The following FBN1 variants were observed in gnomAD, a reference collection of about 807,000 sequenced individuals.
FBN1 encodes the protein fibrillin-1.
FBN1 carries 29 observed loss-of-function variants against 365.1 expected under a neutral mutation model. The observed-to-expected ratio is 0.08, with a 90% CI of 0.06 to 0.11. The LOEUF (loss-of-function observed/expected upper bound fraction) is 0.11, where lower values mean the gene tolerates loss of function less well. FBN1 is among the 10% of genes least tolerant of loss of function. The pLI, the probability that FBN1 is intolerant of heterozygous loss-of-function variation, is 1.00. For synonymous variants in FBN1, 1,210 were observed against 1,270.5 expected, an observed-to-expected ratio of 0.95 and a Z score of 1.01; for missense variants, 2,476 against 3,703.2, an observed-to-expected ratio of 0.67 and a Z score of 8.60.
chr15:48,469,645 C>T (rs758269385), intron 36 of FBN1, among the ~76,000 whole-genome samples: 1 of 152,032 alleles, frequency 6.6e-6, no homozygotes, highest in Non-Finnish European at 1.5e-5. Context: ...GCGGGTTGCG[C>T]TGCAGATGAT....
chr15:48,500,370 T>C (rs2043644114), intron 17 of FBN1, among the ~76,000 whole-genome samples: 1 of 152,206 alleles, frequency 6.6e-6, no homozygotes, highest in African/African-American at 2.4e-5. Context: ...GACCATTTTT[T>C]GTAGTGAGTT....
chr15:48,546,717 T>C (rs2044096187), intron 6 of FBN1, among the ~76,000 whole-genome samples: 1 of 152,046 alleles, frequency 6.6e-6, no homozygotes, highest in South Asian at 2.1e-4. Context: ...GGAGTTGAAA[T>C]GGAAAGGGTT....
chr15:48,530,189 C>T (rs971524368), intron 8 of FBN1, among the ~76,000 whole-genome samples: 1 of 139,094 alleles, frequency 7.2e-6, no homozygotes, highest in African/African-American at 2.6e-5. Flanking sequence ...CGCCTCATCA[C>T]AACTTGAAAA....
intron 6 of FBN1, among the ~76,000 whole-genome samples, chr15:48,567,853 G>A (rs956414293): frequency 1.9e-4 from 29 of 151,892 alleles, no homozygotes; most frequent in African/African-American, 6.8e-4. Flanking sequence ...CAGCTAACAT[G>A]ATACATAATG....
chr15:48,429,890 A>T (rs550383840), intron 56 of FBN1, among the ~76,000 whole-genome samples: 1 of 152,334 alleles, frequency 6.6e-6, no homozygotes, highest in East Asian at 1.9e-4. Flanking sequence ...GCGTGTGAGA[A>T]GGTTTTAATA....
chr15:48,450,857 C>T (rs893990745), intron 45 of FBN1, among the ~76,000 whole-genome samples: 34 of 149,370 alleles, frequency 2.3e-4, no homozygotes, highest in African/African-American at 8.5e-4. Context: ...TACTTTGCAG[C>T]ATGCCTGAAA....
rs754992689 is a variant in FBN1 at position 48,421,992 on chromosome 15, T to C, written c.7530A>G (p.Lys2510=). Residue 2510 remains lysine (K), a synonymous_variant, in exon 61 of 66, where the codon AAA becomes AAG. Transcript: ENST00000316623. The part of the protein sequence containing the change: ...CVNTIGGFTC[K]CPPGFTQHHT... ...GGTGTTGGGTAAATCCGGGAGGACA[T>C]TTGCATGTGAAGCCGCCAATGGTGT... 5.6e-6 allele frequency: 9 copies of C among 1,614,124 alleles called. No individual in the cohort carries two copies. Among genetic ancestry groups the C allele is most frequent in the Non-Finnish European group, 6.8e-6 (8 of 1,179,974 alleles).
intron 6 of FBN1, among the ~76,000 whole-genome samples, chr15:48,563,700 A>G (rs1485775063): frequency 6.6e-6 from 1 of 151,850 alleles, no homozygotes; most frequent in African/African-American, 2.4e-5. Context: ...GTTATTTGAC[A>G]CTCTCTACTC....
intron 6 of FBN1, among the ~76,000 whole-genome samples, chr15:48,558,057 GC>G (rs2044195478): frequency 6.6e-6 from 1 of 152,052 alleles, no homozygotes; most frequent in South Asian, 2.1e-4. Context: ...ATAATAATCA[GC>G]ACTCCAAGTC....
At chr15:48,490,415 C>G (rs1399694225) in intron 24 of FBN1, among the ~76,000 whole-genome samples, 1 of 152,132 alleles carries the variant, frequency 6.6e-6, no homozygotes, top group Non-Finnish European at 1.5e-5. Context: ...ATCACCGATG[C>G]GTGCATGCCA....
chr15:48,507,350 A>G (rs528305015), intron 15 of FBN1, among the ~76,000 whole-genome samples: 9 of 151,978 alleles, frequency 5.9e-5, no homozygotes, highest in African/African-American at 2.2e-4. Flanking sequence ...ACTTTGTTTT[A>G]TGCTATTTTA....
At chr15:48,644,461 GT>G in intron 2 of FBN1, 144 bp downstream of exon 2, 1 of 1,086,904 alleles carries the variant, frequency 9.2e-7, no homozygotes, top group East Asian at 2.4e-5. Context: ...CACGAACGGG[GT>G]GGGGACTAAA....
intron 6 of FBN1, among the ~76,000 whole-genome samples, chr15:48,589,823 A>C (rs2044464587): frequency 6.6e-6 from 1 of 151,856 alleles, no homozygotes; most frequent in Admixed American, 6.6e-5. Context: ...TTCACAGTAG[A>C]GCCAGGATGG....
At chr15:48,639,266 T>C (rs1330114349) in intron 2 of FBN1, among the ~76,000 whole-genome samples, 4 of 152,188 alleles carry the variant, frequency 2.6e-5, no homozygotes, top group African/African-American at 9.6e-5. Flanking sequence ...AAGGGAAGCT[T>C]ATGAAAGCAC....
At chr15:48,484,026 A>T in intron 30 of FBN1, 83 bp from the exon 31 acceptor site, 1 of 1,423,688 alleles carries the variant, frequency 7.0e-7, no homozygotes, top group Non-Finnish European at 9.8e-7. Flanking sequence ...ACCGCAGTCA[A>T]ATAAACTTAG....
intron 6 of FBN1, among the ~76,000 whole-genome samples, chr15:48,553,672 A>AT (rs112684708): frequency 0.056 from 8,398 of 149,998 alleles, 813 homozygotes; most frequent in African/African-American, 0.2. Flanking sequence ...GAGATGAGCC[A>AT]TTTTTTTTTT....
chr15:48,558,720 CA>C (rs1244086592), intron 6 of FBN1, among the ~76,000 whole-genome samples: 1 of 152,140 alleles, frequency 6.6e-6, no homozygotes, highest in African/African-American at 2.4e-5. Flanking sequence ...CAAATGTGTT[CA>C]AAGACGCAAA....
chr15:48,450,610 T>C (rs145233125), intron 45 of FBN1, among the ~76,000 whole-genome samples: 3,891 of 152,254 alleles, frequency 0.026, 80 homozygotes, highest in East Asian at 0.083. Context: ...TTGTCTTTTG[T>C]GGGGCAAGAC....
chr15:48,436,943 A>T lies in FBN1; in HGVS notation c.6496+18T>A. 1 of 1,455,032 alleles carries T rather than the reference A, an allele frequency of 6.9e-7. No individual in the cohort carries two copies. The highest frequency in any genetic ancestry group is 9.7e-7 in the Non-Finnish European group (1 of 1,034,818). The allele number at this position is 1,455,032 out of a possible 1,614,324, so 90.1% of individuals were successfully genotyped here. On this transcript the variant is annotated intron_variant, in intron 53 of 65. Coordinates refer to ENST00000316623, the MANE Select transcript of FBN1 (RefSeq NM_000138.5). ...TTTTAATTTGTAAAGTTCCTATGGA[A>T]GAAAACTTATTACTCACCTACACAT...
Sources: gnomAD v4.1 joint callset for allele counts (sites outside exome capture counted in the v4.1 genomes callset) on GRCh38, gnomAD v4.1.1 for gene constraint, MANE v1.5 for transcripts, NCBI Gene and HGNC (gene_info 2026-07-23, HGNC 2026-07-21) for gene names.